NHLRC2: variants seen among roughly 807,000 people sequenced by gnomAD.
NHLRC2 encodes NHL repeat containing 2.
In NHLRC2, 33 loss-of-function variants were observed where a neutral mutation model predicts 68.1. The observed-to-expected ratio is 0.48, with a 90% CI of 0.37 to 0.65. The LOEUF (loss-of-function observed/expected upper bound fraction) is 0.65, where lower values mean the gene tolerates loss of function less well. Ranked by LOEUF, NHLRC2 falls within the 30% of genes least tolerant of loss-of-function variation. The pLI is 0.00. For synonymous variants in NHLRC2, 311 were observed against 309.6 expected, an observed-to-expected ratio of 1.00 and a Z score of -0.05; for missense variants, 761 against 853.8, an observed-to-expected ratio of 0.89 and a Z score of 1.35.
chr10:113,864,946 G>A lies in NHLRC2; in HGVS notation c.331+6266G>A, dbSNP rs1228248080. Among the ~76,000 whole-genome samples, 7 of 150,216 alleles carry A rather than the reference G, an allele frequency of 4.7e-5. No homozygotes were observed. The South Asian group carries it at 1.5e-3, about 31-fold the overall frequency. On this transcript the variant is annotated intron_variant, in intron 2 of 10. Coordinates refer to ENST00000369301, the MANE Select transcript of NHLRC2 (RefSeq NM_198514.4). ...AAATCAACAAATGCTACAAATCAGA[G>A]GTTTTTTGGTTTTTTTTTTTTGAGA...
At position 113,891,236 on chromosome 10, in the gene NHLRC2, A is replaced by G. The variant is rs926685356; in HGVS notation, c.1039+6856A>G. Among the ~76,000 whole-genome samples the G allele has an allele frequency of 4.6e-5, 7 of 152,264 alleles. No homozygotes were observed. In the South Asian group the frequency reaches 1.2e-3, roughly 27 times the overall value. On this transcript the variant is annotated intron_variant, in intron 5 of 10. Transcript: ENST00000369301. ...TCATCTCTGCTGAAATTCCTTATCT[A>G]TTTAGGTGTGTTGACCACCTTTTTC...
rs1475599360 is a variant in NHLRC2 at position 113,912,704 on chromosome 10, A to G, written c.*4168A>G. ...ATTTGAGCTTCAAATAACCTTATAA[A>G]TCGGGCAGGTAGATGTTAGTTTACA... On this transcript the variant is annotated 3_prime_UTR_variant, in exon 11 of 11. Coordinates refer to ENST00000369301, the MANE Select transcript of NHLRC2 (RefSeq NM_198514.4). The G allele has an allele frequency of 6.6e-6, 1 of 152,182 alleles. No homozygotes were observed. The highest frequency in any genetic ancestry group is 1.5e-5 in the Non-Finnish European group (1 of 68,034). The allele number at this position is 152,182 out of a possible 1,614,324, so 9.4% of individuals were successfully genotyped here.
intron 2 of NHLRC2, among the ~76,000 whole-genome samples, chr10:113,862,006 G>A (rs558227003): frequency 6.6e-6 from 1 of 152,022 alleles, no homozygotes; most frequent in African/African-American, 2.4e-5. Context: ...CCAAGTAGCT[G>A]GGATTACAGG....
At chr10:113,906,623 G>A (rs2134742295) in intron 10 of NHLRC2, among the ~76,000 whole-genome samples, 1 of 151,622 alleles carries the variant, frequency 6.6e-6, no homozygotes, top group East Asian at 1.9e-4. Context: ...AATATCTAAA[G>A]AAACATTTTC....
chr10:113,889,365 C>T (rs910782604), intron 5 of NHLRC2, among the ~76,000 whole-genome samples: 1 of 151,678 alleles, frequency 6.6e-6, no homozygotes, highest in Non-Finnish European at 1.5e-5. Flanking sequence ...TTCTCTGACT[C>T]GCATTATTAA....
chr10:113,882,608 A>G (rs1846045290), intron 4 of NHLRC2, among the ~76,000 whole-genome samples: 1 of 151,776 alleles, frequency 6.6e-6, no homozygotes. Context: ...TATCAGATAT[A>G]TGATTTACAA....
chr10:113,913,386 G>A lies in NHLRC2; in HGVS notation c.*4850G>A, dbSNP rs1564861396. 6.6e-6 allele frequency: 1 copy of A among 152,084 alleles called. No homozygotes were observed. Among genetic ancestry groups the A allele is most frequent in the Non-Finnish European group, 1.5e-5 (1 of 68,006 alleles). 9.4% of individuals were successfully genotyped at this position (152,084 alleles called of 1,614,324 possible). On this transcript the variant is annotated 3_prime_UTR_variant, in exon 11 of 11. Coordinates refer to ENST00000369301, the MANE Select transcript of NHLRC2 (RefSeq NM_198514.4). ...ATTATACAACTTTGCATTATATACT[G>A]TTATTCAGACCTTGGAACAGTCTAT...
At chr10:113,862,566 A>G (rs1845827632) in intron 2 of NHLRC2, among the ~76,000 whole-genome samples, 1 of 152,190 alleles carries the variant, frequency 6.6e-6, no homozygotes, top group Non-Finnish European at 1.5e-5. Flanking sequence ...ATGACAGATA[A>G]GTCCCTCTTT....
In NHLRC2 at chr10:113,855,045, C is replaced by G. The variant is rs199693146; in HGVS notation, c.173C>G (p.Pro58Arg). ...WEQDLSVPEF[P>R]EGLEWLNTEE... is the part of the protein sequence containing the mutation. ...CAGGACTTGTCAGTACCCGAGTTTC[C>G]GGAAGGTGAGGGGCTGGCGTCGGGG... Residue 58 changes from proline to arginine, a missense_variant, in exon 1 of 11, where the codon CCG becomes CGG. Pro to Arg is a moderately radical substitution (Grantham distance 103, BLOSUM62 -2). Transcript: ENST00000369301. 1 of 1,551,898 alleles carries G rather than the reference C, an allele frequency of 6.4e-7. No individual in the cohort carries two copies. The highest frequency in any genetic ancestry group is 1.4e-5 in the African/African-American group (1 of 73,180).
In NHLRC2 at chr10:113,901,875, TA is replaced by T; in HGVS notation, c.1350del (p.Gly451GlufsTer7). 6.2e-7 allele frequency: 1 copy of T among 1,613,126 alleles called. No homozygotes were observed. Among genetic ancestry groups the T allele is most frequent in the Non-Finnish European group, 8.5e-7 (1 of 1,179,140 alleles). ...AAAGATGGAGCAGTGAAGCACCTCG[TA>T]GGAGGAGAAAGAGACCCCATGGTAA... ...SLKDGAVKHL[V>X]GGERDPMNLF... On this transcript the variant is annotated frameshift_variant, in exon 7 of 11. Transcript: ENST00000369301. LOFTEE classifies it high-confidence loss of function.
chr10:113,913,665 A>T lies in NHLRC2; in HGVS notation c.*5129A>T, dbSNP rs1387122807. The T allele has an allele frequency of 6.6e-6, 1 of 152,122 alleles. No homozygotes were observed. Among genetic ancestry groups the T allele is most frequent in the African/African-American group, 2.4e-5 (1 of 41,438 alleles). The allele number at this position is 152,122 out of a possible 1,614,324, so 9.4% of individuals were successfully genotyped here. ...TTCATATTTAAGAAAATTTTGTTGT[A>T]TTAAATATTAGTCCAAGTGAGCTCT... On this transcript the variant is annotated 3_prime_UTR_variant, in exon 11 of 11. Transcript: ENST00000369301.
At chr10:113,886,888 A>G (rs889499260) in intron 5 of NHLRC2, among the ~76,000 whole-genome samples, 4 of 152,228 alleles carry the variant, frequency 2.6e-5, no homozygotes, top group Non-Finnish European at 4.4e-5. Context: ...GCATCAAACT[A>G]AAAAGCTCTA....
chr10:113,888,484 A>G (rs1235925897), intron 5 of NHLRC2, among the ~76,000 whole-genome samples: 1 of 152,208 alleles, frequency 6.6e-6, no homozygotes, highest in African/African-American at 2.4e-5. Context: ...GGGACTAGAA[A>G]TATCTCATTA....
At chr10:113,894,715 G>A (rs1846162845) in intron 5 of NHLRC2, among the ~76,000 whole-genome samples, 1 of 151,958 alleles carries the variant, frequency 6.6e-6, no homozygotes, top group African/African-American at 2.4e-5. Context: ...TCTTAAAAAT[G>A]TTCTTTATAA....
rs1283935987 is a variant in NHLRC2 at position 113,915,225 on chromosome 10, A to G, written c.*6689A>G. On this transcript the variant is annotated 3_prime_UTR_variant, in exon 11 of 11. Coordinates refer to ENST00000369301, the MANE Select transcript of NHLRC2 (RefSeq NM_198514.4). Reference sequence around the variant, plus strand: ...TTCTGTTGAAAGCCACAGGACCAAAAGGAAAATATTGCAACTATTTGCAAA... The same window carrying G: ...TTCTGTTGAAAGCCACAGGACCAAAGGGAAAATATTGCAACTATTTGCAAA... The G allele has an allele frequency of 2.2e-6, 1 of 456,214 alleles. No individual in the cohort carries two copies. Among genetic ancestry groups the G allele is most frequent in the Non-Finnish European group, 4.4e-6 (1 of 226,986 alleles). The allele number at this position is 456,214 out of a possible 1,614,324, so 28.3% of individuals were successfully genotyped here.
rs1003172349 is a variant in NHLRC2 at position 113,906,948 on chromosome 10, C to T, written c.1925-1332C>T. Among the ~76,000 whole-genome samples, 7 of 152,322 alleles carry T rather than the reference C, an allele frequency of 4.6e-5. 1 individual carries two copies. ...CTCGCAGTGAGCCAAGCTCACGCCACTGCACTCTAGCCTGGGTGACAGAGC... is the reference window on the plus strand; with the variant it reads ...CTCGCAGTGAGCCAAGCTCACGCCATTGCACTCTAGCCTGGGTGACAGAGC... On this transcript the variant is annotated intron_variant, in intron 10 of 10. Coordinates refer to ENST00000369301, the MANE Select transcript of NHLRC2 (RefSeq NM_198514.4).
chr10:113,912,947 A>G lies in NHLRC2; in HGVS notation c.*4411A>G, dbSNP rs926578044. On this transcript the variant is annotated 3_prime_UTR_variant, in exon 11 of 11. Transcript: ENST00000369301. ...TGCTCAATTAAGAGTTCTTCCATGGACACTTTCTTAAGCCTTCACATAAAA... is the reference window on the plus strand; with the variant it reads ...TGCTCAATTAAGAGTTCTTCCATGGGCACTTTCTTAAGCCTTCACATAAAA... The G allele has an allele frequency of 4.6e-5, 7 of 152,164 alleles. No homozygotes were observed. Among genetic ancestry groups the G allele is most frequent in the Non-Finnish European group, 8.8e-5 (6 of 68,016 alleles). The allele number at this position is 152,164 out of a possible 1,614,324, so 9.4% of individuals were successfully genotyped here. A position where few individuals can be genotyped will look rare whatever the true frequency, so the allele number is the denominator to read the frequency against.
chr10:113,896,790 C>T (rs555854221), intron 5 of NHLRC2, among the ~76,000 whole-genome samples: 7 of 151,934 alleles, frequency 4.6e-5, no homozygotes, highest in Admixed American at 1.3e-4. Flanking sequence ...GTTAGGAGAT[C>T]GAGACCATCC....
chr10:113,883,922 A>G (rs1004546679), intron 4 of NHLRC2, among the ~76,000 whole-genome samples: 1 of 151,886 alleles, frequency 6.6e-6, no homozygotes, highest in African/African-American at 2.4e-5. Flanking sequence ...TTTTAGAAAC[A>G]TGTATTTTGC....
Sources: gnomAD v4.1 joint callset for allele counts (sites outside exome capture counted in the v4.1 genomes callset) on GRCh38, gnomAD v4.1.1 for gene constraint, MANE v1.5 for transcripts, NCBI Gene and HGNC (gene_info 2026-07-23, HGNC 2026-07-21) for gene names.